Variants in CPS1 observed in about 807,000 individuals in gnomAD.
CPS1 encodes the protein carbamoyl-phosphate synthase [ammonia], mitochondrial.
In CPS1, 109 loss-of-function variants were observed where a neutral mutation model predicts 174.6. The observed-to-expected ratio is 0.62, with a 90% confidence interval of 0.53 to 0.73. The LOEUF (loss-of-function observed/expected upper bound fraction) is 0.73, where lower values mean the gene tolerates loss of function less well. Among genes scored for constraint, CPS1 ranks in the 30% least tolerant of loss-of-function variants. The probability of loss-of-function intolerance (pLI) is 0.00; values close to 1 mark genes in which losing one functional copy is unlikely to be tolerated. For missense variants in CPS1, 1,689 were observed against 1,821.9 expected, an observed-to-expected ratio of 0.93 and a Z score of 1.33; for synonymous variants, 637 against 632.0, an observed-to-expected ratio of 1.01 and a Z score of -0.12.
chr2:210,648,157 G>A, intron 26 of CPS1, 100 bp downstream of exon 26: 1 of 1,224,286 alleles, frequency 8.2e-7, no homozygotes, highest in Non-Finnish European at 1.2e-6. Context: ...TAACTACAGG[G>A]CAGATAGAAT....
At chr2:210,673,592 G>A (rs1297779256) in intron 34 of CPS1, 1 of 152,174 alleles carries the variant, frequency 6.6e-6, no homozygotes, top group Non-Finnish European at 1.5e-5. Flanking sequence ...AAGTGTAATC[G>A]TGGGTAGAGG....
chr2:210,633,360 C>G (rs1282738639), intron 21 of CPS1, among the ~76,000 whole-genome samples: 1 of 151,892 alleles, frequency 6.6e-6, no homozygotes, highest in Non-Finnish European at 1.5e-5. Context: ...TTTCTTTTCT[C>G]TCTTCTTTCT....
At chr2:210,562,148 G>T (rs913198344) in intron 1 of CPS1, among the ~76,000 whole-genome samples, 1 of 152,022 alleles carries the variant, frequency 6.6e-6, no homozygotes, top group African/African-American at 2.4e-5. Context: ...TATAAATGCT[G>T]TATTTTATTT....
intron 1 of CPS1, among the ~76,000 whole-genome samples, chr2:210,487,950 G>T (rs1694771364): frequency 1.3e-5 from 2 of 152,142 alleles, no homozygotes; most frequent in African/African-American, 4.8e-5. Flanking sequence ...CAGTTTTCTT[G>T]CCTGTGTCAT....
chr2:210,552,176 GGA>G (rs1362962983), upstream of CPS1, among the ~76,000 whole-genome samples: 1 of 151,646 alleles, frequency 6.6e-6, no homozygotes, highest in Non-Finnish European at 1.5e-5. Context: ...CTTTCTTCAG[GGA>G]GTTATTGCAC....
At chr2:210,542,537 G>C (rs888466156) in intron 1 of CPS1, among the ~76,000 whole-genome samples, 6 of 152,028 alleles carry the variant, frequency 3.9e-5, no homozygotes, top group African/African-American at 1.4e-4. Context: ...TTAAAAGGGT[G>C]CAAACGTCCC....
intron 1 of CPS1, among the ~76,000 whole-genome samples, chr2:210,498,791 G>A (rs76903192): frequency 0.016 from 2,442 of 152,240 alleles, 52 homozygotes; most frequent in Middle Eastern, 0.051. Context: ...ATCTGCCTGG[G>A]TGTGGAGTGT....
chr2:210,592,164 A>G (rs572155154), intron 10 of CPS1, among the ~76,000 whole-genome samples, 195 bp downstream of exon 10: 3 of 152,190 alleles, frequency 2.0e-5, no homozygotes, highest in South Asian at 4.1e-4. Context: ...GAACATTTCA[A>G]ATCTTCTCTT....
At position 210,647,866 on chromosome 2, in the gene CPS1, T is replaced by G. The variant is rs777221753; in HGVS notation, c.3145T>G (p.Cys1049Gly). ...ATATTGTGAGTGTATTTTCCAGGCA[T>G]GTGGTGGCTGCATCATATCAGTTGG... ...RILDIYHQEA[C>G]GGCIISVGGQ... Residue 1049 changes from cysteine (C) to glycine (G), a missense_variant, in exon 26 of 38, where the codon TGT (cysteine) becomes GGT (glycine). By Grantham distance (159) the Cys-to-Gly change is radical (BLOSUM62 -3). Transcript: ENST00000233072. 6.2e-7 allele frequency: 1 copy of G among 1,613,940 alleles called. No individual in the cohort carries two copies. Among genetic ancestry groups the G allele is most frequent in the Admixed American group, 1.7e-5 (1 of 59,982 alleles).
At position 210,602,348 on chromosome 2, in the gene CPS1, C is replaced by T; in HGVS notation, c.1836+18C>T. 1 of 1,612,062 alleles carries T rather than the reference C, an allele frequency of 6.2e-7. No homozygotes were observed. Among genetic ancestry groups the T allele is most frequent in the Non-Finnish European group, 8.5e-7 (1 of 1,178,724 alleles). On this transcript the variant is annotated intron_variant, in intron 16 of 37. Transcript: ENST00000233072. The stretch of plus-strand genomic sequence containing the variant: ...GCACAAAGGTATGTATTTTTGTAGA[C>T]AATATTCTTACCAACCAAAAAAACT...
intron 21 of CPS1, among the ~76,000 whole-genome samples, chr2:210,624,058 T>A (rs888685616): frequency 6.6e-6 from 1 of 152,162 alleles, no homozygotes; most frequent in Non-Finnish European, 1.5e-5. Flanking sequence ...ATAATCACAT[T>A]ATAATTTTTG....
At chr2:210,612,665 G>A (rs1699170290) in intron 20 of CPS1, among the ~76,000 whole-genome samples, 1 of 151,792 alleles carries the variant, frequency 6.6e-6, no homozygotes, top group South Asian at 2.1e-4. Context: ...GTGTAAAATT[G>A]TATTGTAGAA....
chr2:210,530,152 A>T lies in CPS1; in HGVS notation c.4-26567A>T, dbSNP rs888151277. 3.9e-5 allele frequency among the ~76,000 whole-genome samples: 6 copies of T among 152,048 alleles called. No individual in the cohort carries two copies. In the East Asian group the frequency reaches 9.7e-4, roughly 25 times the overall value. On this transcript the variant is annotated intron_variant, in intron 1 of 38. Transcript: ENST00000430249. ...GTGACTTGCATAAAGGCATGGAGTGATTTAGCTAAAAGTTGGACAAAGTGA... is the reference window on the plus strand; with the variant it reads ...GTGACTTGCATAAAGGCATGGAGTGTTTTAGCTAAAAGTTGGACAAAGTGA...
In CPS1 at chr2:210,528,756, T is replaced by C. The variant is rs186990267; in HGVS notation, c.4-27963T>C. 2.0e-4 allele frequency among the ~76,000 whole-genome samples: 30 copies of C among 149,582 alleles called. 1 individual carries two copies. Among genetic ancestry groups the C allele is most frequent in the African/African-American group, 6.9e-4 (28 of 40,736 alleles). ...TTTTCCTAATTACTTCTGACTATAA[T>C]AGAAAAAGATCAAGAGGATTTGAAA... On this transcript the variant is annotated intron_variant, in intron 1 of 38. Transcript: ENST00000430249.
chr2:210,564,132 T>G (rs1269915330), intron 1 of CPS1, among the ~76,000 whole-genome samples: 1 of 152,150 alleles, frequency 6.6e-6, no homozygotes, highest in Non-Finnish European at 1.5e-5. Context: ...TAGAGAAATT[T>G]CAGAGCTTGC....
At chr2:210,634,978 C>T (rs976135597) in intron 21 of CPS1, among the ~76,000 whole-genome samples, 1 of 152,110 alleles carries the variant, frequency 6.6e-6, no homozygotes, top group Non-Finnish European at 1.5e-5. Flanking sequence ...GGTGGAGTCT[C>T]CGTTGTCTGA....
chr2:210,656,545 TG>T lies in CPS1; in HGVS notation c.3580del (p.Glu1194AsnfsTer15). 2 of 1,609,146 alleles carry T rather than the reference TG, an allele frequency of 1.2e-6. No individual in the cohort carries two copies. The highest frequency in any genetic ancestry group is 1.7e-6 in the Non-Finnish European group (2 of 1,177,562). On this transcript the variant is annotated frameshift_variant, in exon 30 of 38. Transcript: ENST00000233072. LOFTEE classifies it high-confidence loss of function. ...DGRVISHAISEHVEDAGVHSG... is the reference protein window; with the variant it reads ...DGRVISHAISXHVEDAGVHSG... ...GCCAGGTTATCTCTCATGCCATCTCTGAACATGTTGAAGATGCAGGTGTCCA... is the reference window on the plus strand; with the variant it reads ...GCCAGGTTATCTCTCATGCCATCTCTAACATGTTGAAGATGCAGGTGTCCA...
At chr2:210,606,057 T>A (rs1698896722) in intron 17 of CPS1, among the ~76,000 whole-genome samples, 2 of 151,958 alleles carry the variant, frequency 1.3e-5, no homozygotes, top group South Asian at 4.1e-4. Flanking sequence ...TATCAAATGC[T>A]ATGCAAGACC....
chr2:210,659,942 A>G (rs966988142), intron 31 of CPS1, among the ~76,000 whole-genome samples: 6 of 152,172 alleles, frequency 3.9e-5, no homozygotes, highest in African/African-American at 7.2e-5. Flanking sequence ...AATTTTGACA[A>G]GTTAACGATG....
Sources: allele counts gnomAD v4.1 joint callset (sites outside exome capture counted in the v4.1 genomes callset), GRCh38; gene constraint gnomAD v4.1.1; transcripts MANE v1.5; gene names NCBI Gene and HGNC (gene_info 2026-07-23, HGNC 2026-07-21).